The following ADAMTS4 variants were observed in gnomAD, a reference collection of about 807,000 sequenced individuals.
The protein encoded by ADAMTS4 is A disintegrin and metalloproteinase with thrombospondin motifs 4.
Under a neutral mutation model 66.7 loss-of-function variants are expected in ADAMTS4, and 38 were observed. The observed-to-expected ratio is 0.57, with a 90% confidence interval of 0.44 to 0.75. ADAMTS4 has a LOEUF of 0.75. Among genes scored for constraint, ADAMTS4 ranks in the 30% least tolerant of loss-of-function variants. The pLI, the probability that ADAMTS4 is intolerant of heterozygous loss-of-function variation, is 0.00. For synonymous variants in ADAMTS4, 418 were observed against 461.5 expected (o/e 0.91, Z 1.21); for missense variants, 1,014 against 1,116.7 (o/e 0.91, Z 1.31).
rs1167201437 is a variant in ADAMTS4 at position 161,196,735 on chromosome 1, T to G, written c.779A>C (p.Asn260Thr). ...AKAFKHPSIR[N>T]PVSLVVTRLV... ...CCGAGTCACCACCAAGCTGACAGGA[T>G]TGCGGATGCTTGGGTGCTTGAAGGC... Residue 260 changes from asparagine (N) to threonine (T), a missense_variant, in exon 2 of 9, where the codon AAT (asparagine) becomes ACT (threonine). Asn to Thr is a moderately conservative substitution (Grantham distance 65). Coordinates refer to ENST00000367996, the MANE Select transcript of ADAMTS4 (RefSeq NM_005099.6). The G allele has an allele frequency of 6.2e-7, 1 of 1,613,622 alleles. No homozygotes were observed. The highest frequency in any genetic ancestry group is 1.1e-5 in the South Asian group (1 of 91,086).
Position 161,193,088 on chromosome 1 carries a change from C to G in ADAMTS4, c.1911+125G>C, listed in dbSNP as rs1664718295. 2.7e-6 allele frequency: 3 copies of G among 1,121,110 alleles called. No individual in the cohort carries two copies. The highest frequency in any genetic ancestry group is 3.7e-6 in the Non-Finnish European group (3 of 808,266). 69.4% of individuals were successfully genotyped at this position (1,121,110 alleles called of 1,614,324 possible). A position where few individuals can be genotyped will look rare whatever the true frequency, so the allele number is the denominator to read the frequency against. On this transcript the variant is annotated intron_variant, in intron 7 of 8. Coordinates refer to ENST00000367996, the MANE Select transcript of ADAMTS4 (RefSeq NM_005099.6). This position sits in a 1 kb window ranked among gnomAD's most constrained non-coding sequence, Gnocchi z 4.4. ...TGTACAGATAAGTCTGAGTGGAATC[C>G]TGGACTGGGCTGGCGTGGCTGTAGG...
chr1:161,197,034 G>A, intron 1 of ADAMTS4, 154 bp from the exon 2 acceptor site: 1 of 697,822 alleles, frequency 1.4e-6, no homozygotes, highest in South Asian at 1.9e-5. Context: ...GCGGGTCTTG[G>A]TTGGGCCCTT....
In ADAMTS4 at chr1:161,193,672, G is replaced by A. The variant is rs773407656; in HGVS notation, c.1703C>T (p.Ser568Phe). 8 of 1,613,506 alleles carry A rather than the reference G, an allele frequency of 5.0e-6. No homozygotes were observed. In the South Asian group the frequency reaches 7.7e-5, roughly 16 times the overall value. The change falls in exon 6 of 9, where the codon TCC becomes TTC. Residue 568 changes from serine (S) to phenylalanine (F), a missense_variant. Coordinates refer to ENST00000367996, the MANE Select transcript of ADAMTS4 (RefSeq NM_005099.6). The surrounding 1 kb of genome is among the most constrained non-coding windows in gnomAD (Gnocchi z 4.4). ...YCEGRRTRFR[S>F]CNTEDCPTGS... Reference sequence around the variant, plus strand: ...AGTTGGGCAGTCCTCAGTGTTGCAGGAGCGGAAGCGGGTACGGCGGCCCTC... The same window carrying A: ...AGTTGGGCAGTCCTCAGTGTTGCAGAAGCGGAAGCGGGTACGGCGGCCCTC...
In ADAMTS4 at chr1:161,185,113, G is replaced by A. The variant is rs1187002398; in HGVS notation, c.*6025C>T. 6.6e-6 allele frequency: 1 copy of A among 151,506 alleles called. No individual in the cohort carries two copies. The highest frequency in any genetic ancestry group is 2.4e-5 in the African/African-American group (1 of 41,156). 9.4% of individuals were successfully genotyped at this position (151,506 alleles called of 1,614,324 possible). A position where few individuals can be genotyped will look rare whatever the true frequency, so the allele number is the denominator to read the frequency against. On this transcript the variant is annotated 3_prime_UTR_variant, in exon 9 of 9. Coordinates refer to ENST00000367996, the MANE Select transcript of ADAMTS4 (RefSeq NM_005099.6). ...AATGCTAAATGATGAGTTAATGGGT[G>A]CAGCACACCAGCATGGCACATGTAT...
Position 161,194,154 on chromosome 1 carries a change from A to G in ADAMTS4, c.1329T>C (p.Tyr443=). The G allele has an allele frequency of 6.2e-7, 1 of 1,614,184 alleles. No homozygotes were observed. The highest frequency in any genetic ancestry group is 1.1e-5 in the South Asian group (1 of 91,090). ...HLPVTFPGKD[Y]DADRQCQLTF... ...TCAGCTGGCACTGGCGGTCAGCATC[A>G]TAGTCCTTGCCAGGGAAAGTCACAG... Residue 443 remains tyrosine, a synonymous_variant, in exon 5 of 9, where the codon TAT becomes TAC. Transcript: ENST00000367996. This position sits in a 1 kb window ranked among gnomAD's most constrained non-coding sequence, Gnocchi z 4.1.
chr1:161,184,575 T>C lies in ADAMTS4; in HGVS notation c.*6563A>G, dbSNP rs1271354614. On this transcript the variant is annotated 3_prime_UTR_variant, in exon 9 of 9. Coordinates refer to ENST00000367996, the MANE Select transcript of ADAMTS4 (RefSeq NM_005099.6). ...AATGTTTACAATGTTTACAACCCAT[T>C]GGCTTATTTATTGAACAAATAAATG... 1 of 152,236 alleles carries C rather than the reference T, an allele frequency of 6.6e-6. No homozygotes were observed. The highest frequency in any genetic ancestry group is 2.4e-5 in the African/African-American group (1 of 41,452). 9.4% of individuals were successfully genotyped at this position (152,236 alleles called of 1,614,324 possible).
chr1:161,192,723 AAGGGAG>A (rs2102012007), intron 7 of ADAMTS4, among the ~76,000 whole-genome samples: 1 of 152,238 alleles, frequency 6.6e-6, no homozygotes, highest in East Asian at 1.9e-4. Flanking sequence ...GGTTGGGGCG[AAGGGAG>A]CAAAATGCTG....
At position 161,198,252 on chromosome 1, in the gene ADAMTS4, T is replaced by C. The variant is rs1000852820; in HGVS notation, c.376A>G (p.Thr126Ala). 1.2e-6 allele frequency: 2 copies of C among 1,614,004 alleles called. No individual in the cohort carries two copies. Among genetic ancestry groups the C allele is most frequent in the Non-Finnish European group, 8.5e-7 (1 of 1,180,012 alleles). The change falls in exon 1 of 9, where the codon ACC becomes GCC. Residue 126 changes from threonine to alanine, a missense_variant. Physicochemically the swap from Thr to Ala is moderately conservative, Grantham distance 58 (BLOSUM62 0). Transcript: ENST00000367996. The surrounding 1 kb of genome is among the most constrained non-coding windows in gnomAD (Gnocchi z 4.7). Reference sequence around the variant, plus strand: ...CCATTGATGGTGCCAGTCAGGTAGGTGCCAGGCTCTGCTCCACCCAGCAGC... The same window carrying C: ...CCATTGATGGTGCCAGTCAGGTAGGCGCCAGGCTCTGCTCCACCCAGCAGC... ...PELLGGAEPG[T>A]YLTGTINGDP...
chr1:161,195,170 A>C (rs1398895478), intron 4 of ADAMTS4, among the ~76,000 whole-genome samples: 1 of 152,224 alleles, frequency 6.6e-6, no homozygotes, highest in Non-Finnish European at 1.5e-5. Context: ...TCACTGCGTG[A>C]CAAGGTAATC....
At position 161,195,482 on chromosome 1, in the gene ADAMTS4, A is replaced by T; in HGVS notation, c.1244T>A (p.Phe415Tyr). Reference sequence around the variant, plus strand: ...CTGCTTACCATAGCCATTGTCCAGGAAGTCAGTGATGAAGCGGGCACTGCA... The same window carrying T: ...CTGCTTACCATAGCCATTGTCCAGGTAGTCAGTGATGAAGCGGGCACTGCA... ...SPCSARFITD[F>Y]LDNGYGHCLL... The change falls in exon 4 of 9, where the codon TTC becomes TAC. Residue 415 changes from phenylalanine (F) to tyrosine (Y), a missense_variant. Phe to Tyr is a conservative substitution (Grantham distance 22, BLOSUM62 3). Transcript: ENST00000367996. The T allele has an allele frequency of 6.2e-7, 1 of 1,610,842 alleles. No homozygotes were observed. The highest frequency in any genetic ancestry group is 1.1e-5 in the South Asian group (1 of 90,684).
Position 161,198,810 on chromosome 1 carries a change from G to T in ADAMTS4, c.-183C>A. 1 of 573,128 alleles carries T rather than the reference G, an allele frequency of 1.7e-6. No individual in the cohort carries two copies. Among genetic ancestry groups the T allele is most frequent in the Non-Finnish European group, 3.0e-6 (1 of 338,882 alleles). 35.5% of individuals were successfully genotyped at this position (573,128 alleles called of 1,614,324 possible). A position where few individuals can be genotyped will look rare whatever the true frequency, so the allele number is the denominator to read the frequency against. The stretch of plus-strand genomic sequence containing the variant: ...TGGAGAAAACTTAGTCCTTGGGCTT[G>T]GGAGAGGTGCCCAGGGGTCTGGCTT... On this transcript the variant is annotated 5_prime_UTR_variant, in exon 1 of 9. Transcript: ENST00000367996. The surrounding 1 kb of genome is among the most constrained non-coding windows in gnomAD (Gnocchi z 4.7).
Position 161,193,588 on chromosome 1 carries a change from C to T in ADAMTS4, c.1735+52G>A. On this transcript the variant is annotated intron_variant, in intron 6 of 8. Coordinates refer to ENST00000367996, the MANE Select transcript of ADAMTS4 (RefSeq NM_005099.6). The surrounding 1 kb of genome is among the most constrained non-coding windows in gnomAD (Gnocchi z 4.4). ...TTGGTCTTGCACTCAAGGGACAGTC[C>T]TTCCTGCTCTACTGTCCCCTCCCAA... 2 of 1,562,462 alleles carry T rather than the reference C, an allele frequency of 1.3e-6. No homozygotes were observed. Among genetic ancestry groups the T allele is most frequent in the Non-Finnish European group, 8.7e-7 (1 of 1,152,160 alleles).
Position 161,190,950 on chromosome 1 carries a change from T to A in ADAMTS4, c.*188A>T. The stretch of plus-strand genomic sequence containing the variant: ...TCAGCCCCTTCCATCCACTAACCCA[T>A]CACTGCCTCCCAGGGCAGGAAACCA... On this transcript the variant is annotated 3_prime_UTR_variant, in exon 9 of 9. Transcript: ENST00000367996. 1 of 617,294 alleles carries A rather than the reference T, an allele frequency of 1.6e-6. No homozygotes were observed. Among genetic ancestry groups the A allele is most frequent in the Non-Finnish European group, 2.6e-6 (1 of 377,534 alleles). The allele number at this position is 617,294 out of a possible 1,614,324, so 38.2% of individuals were successfully genotyped here.
In ADAMTS4 at chr1:161,198,318, C is replaced by T. The variant is rs538321148; in HGVS notation, c.310G>A (p.Val104Ile). ...AGGTACTGCACTGTCAGCCCCTCGA[C>T]CTGCACACCGGAGTCCTGCTCCAGC... ...LELEQDSGVQ[V>I]EGLTVQYLGQ... The change falls in exon 1 of 9, where the codon GTC becomes ATC. Residue 104 changes from valine (V) to isoleucine (I), a missense_variant. Transcript: ENST00000367996. The surrounding 1 kb of genome is among the most constrained non-coding windows in gnomAD (Gnocchi z 4.7). 1.4e-5 allele frequency: 23 copies of T among 1,613,304 alleles called. No homozygotes were observed. In the African/African-American group the frequency reaches 2.3e-4, roughly 16 times the overall value.
At position 161,193,385 on chromosome 1, in the gene ADAMTS4, A is replaced by G. The variant is rs1480876833; in HGVS notation, c.1739T>C (p.Leu580Pro). The change falls in exon 7 of 9, where the codon CTG becomes CCG. Residue 580 changes from leucine to proline, a missense_variant. Transcript: ENST00000367996. The surrounding 1 kb of genome is among the most constrained non-coding windows in gnomAD (Gnocchi z 4.4). ...NTEDCPTGSA[L>P]TFREEQCAAY... ...AGCACACTGCTCCTCGCGGAAGGTC[A>G]GGGCTGGAGGGGTAAAACAGTCAGA... is the stretch of plus-strand genomic sequence containing the variant. 1 of 1,612,870 alleles carries G rather than the reference A, an allele frequency of 6.2e-7. No individual in the cohort carries two copies. The highest frequency in any genetic ancestry group is 8.5e-7 in the Non-Finnish European group (1 of 1,179,432).
At position 161,193,682 on chromosome 1, in the gene ADAMTS4, G is replaced by A. The variant is rs767544003; in HGVS notation, c.1693C>T (p.Arg565Cys). 27 of 1,613,798 alleles carry A rather than the reference G, an allele frequency of 1.7e-5. No homozygotes were observed. The highest frequency in any genetic ancestry group is 1.6e-4 in the South Asian group (15 of 91,068). Residue 565 changes from arginine to cysteine, a missense_variant, in exon 6 of 9, where the codon CGC becomes TGC. Transcript: ENST00000367996. This position sits in a 1 kb window ranked among gnomAD's most constrained non-coding sequence, Gnocchi z 4.4. The stretch of plus-strand genomic sequence containing the variant: ...TCCTCAGTGTTGCAGGAGCGGAAGC[G>A]GGTACGGCGGCCCTCACAGTACTTG... ...GGKYCEGRRT[R>C]FRSCNTEDCP...
chr1:161,189,916 A>T lies in ADAMTS4; in HGVS notation c.*1222T>A, dbSNP rs1664620580. On this transcript the variant is annotated 3_prime_UTR_variant, in exon 9 of 9. Coordinates refer to ENST00000367996, the MANE Select transcript of ADAMTS4 (RefSeq NM_005099.6). Reference sequence around the variant, plus strand: ...TCACATAAATAGTAGAATTCAATTTAAAAAATATGTACCGGGCGTGGTGGC... The same window carrying T: ...TCACATAAATAGTAGAATTCAATTTTAAAAATATGTACCGGGCGTGGTGGC... 1 of 152,252 alleles carries T rather than the reference A, an allele frequency of 6.6e-6. No individual in the cohort carries two copies. The highest frequency in any genetic ancestry group is 1.9e-4 in the East Asian group (1 of 5,208). 9.4% of individuals were successfully genotyped at this position (152,252 alleles called of 1,614,324 possible). A position where few individuals can be genotyped will look rare whatever the true frequency, so the allele number is the denominator to read the frequency against.
chr1:161,197,144 G>C, intron 1 of ADAMTS4: 1 of 436,648 alleles, frequency 2.3e-6, no homozygotes, highest in Non-Finnish European at 4.1e-6. Context: ...CCAGGGCTGC[G>C]GGAGCCCCAG....
intron 7 of ADAMTS4, among the ~76,000 whole-genome samples, chr1:161,192,784 T>C (rs920179942): frequency 1.3e-5 from 2 of 152,052 alleles, no homozygotes; most frequent in Non-Finnish European, 2.9e-5. Flanking sequence ...CACCACCCTA[T>C]CACAGAGAGG....
Sources: allele counts gnomAD v4.1 joint callset (sites outside exome capture counted in the v4.1 genomes callset), GRCh38; gene constraint gnomAD v4.1.1; non-coding constraint Gnocchi (gnomAD v3.1); transcripts MANE v1.5; gene names NCBI Gene and HGNC (gene_info 2026-07-23, HGNC 2026-07-21).